The following CNBD1 variants were observed in gnomAD, a reference collection of about 807,000 sequenced individuals.
CNBD1 encodes cyclic nucleotide binding domain containing 1, also known as cyclic nucleotide-binding domain-containing protein 1.
CNBD1 carries 71 observed loss-of-function variants against 54.4 expected under a neutral mutation model. The observed-to-expected ratio is 1.30, with a 90% CI of 1.08 to 1.59. The LOEUF (loss-of-function observed/expected upper bound fraction) is 1.59. Ranked by LOEUF, CNBD1 falls within the 40% of genes most tolerant of loss-of-function variation. The probability of loss-of-function intolerance (pLI) is 0.00; values close to 1 mark genes in which losing one functional copy is unlikely to be tolerated. For missense variants in CNBD1, 659 were observed against 518.0 expected (o/e 1.27, Z -2.64); for synonymous variants, 182 against 170.7 (o/e 1.07, Z -0.51).
At chr8:87,270,855 GTTCC>G (rs1808348373) in intron 6 of CNBD1, among the ~76,000 whole-genome samples, 1 of 151,522 alleles carries the variant, frequency 6.6e-6, no homozygotes, top group African/African-American at 2.4e-5. Context: ...ATATTAGTTA[GTTCC>G]TTAAATTTTT....
At chr8:87,275,579 A>C (rs1430691996) in intron 6 of CNBD1, among the ~76,000 whole-genome samples, 1 of 151,726 alleles carries the variant, frequency 6.6e-6, no homozygotes, top group African/African-American at 2.4e-5. Flanking sequence ...ATCTCAAAAT[A>C]ATAAGAGCTA....
intron 5 of CNBD1, among the ~76,000 whole-genome samples, chr8:87,229,201 A>C (rs1455647101): frequency 6.6e-6 from 1 of 151,824 alleles, no homozygotes; most frequent in Non-Finnish European, 1.5e-5. Context: ...TGCAGAAATC[A>C]CCCGTCTTCT....
chr8:87,205,808 A>G (rs1299802055), intron 4 of CNBD1, among the ~76,000 whole-genome samples, 185 bp from the exon 5 acceptor site: 1 of 152,176 alleles, frequency 6.6e-6, no homozygotes, highest in African/African-American at 2.4e-5. Flanking sequence ...GCGCATCTTA[A>G]TGTCGGAAGG....
At chr8:87,346,216 T>C (rs1297546035) in intron 8 of CNBD1, among the ~76,000 whole-genome samples, 3 of 151,934 alleles carry the variant, frequency 2.0e-5, no homozygotes, top group African/African-American at 2.4e-5. Context: ...TAATTTTGTA[T>C]TTTTAGTAGA....
chr8:87,270,422 CA>C (rs1470907149), intron 6 of CNBD1, among the ~76,000 whole-genome samples: 1 of 151,978 alleles, frequency 6.6e-6, no homozygotes, highest in Non-Finnish European at 1.5e-5. Context: ...GATACCATCT[CA>C]CGCCAGTCAG....
chr8:86,978,250 A>G (rs1252341265), intron 4 of CNBD1, among the ~76,000 whole-genome samples: 1 of 152,220 alleles, frequency 6.6e-6, no homozygotes, highest in Non-Finnish European at 1.5e-5. Context: ...AATCTCGTTT[A>G]CAGAAAGCCA....
At chr8:87,273,321 T>A (rs1808406415) in intron 6 of CNBD1, among the ~76,000 whole-genome samples, 1 of 152,014 alleles carries the variant, frequency 6.6e-6, no homozygotes, top group African/African-American at 2.4e-5. Flanking sequence ...ACTGTTGGAA[T>A]TTAGTTAATA....
At chr8:86,928,705 G>A (rs993453237) in intron 3 of CNBD1, among the ~76,000 whole-genome samples, 1 of 152,202 alleles carries the variant, frequency 6.6e-6, no homozygotes, top group African/African-American at 2.4e-5. Flanking sequence ...CCGGGATAGT[G>A]CCCTATTTTT....
chr8:87,355,868 G>T (rs949973256), intron 10 of CNBD1, among the ~76,000 whole-genome samples: 1 of 152,132 alleles, frequency 6.6e-6, no homozygotes, highest in Non-Finnish European at 1.5e-5. Flanking sequence ...CTAATGGGAG[G>T]TTTTTGGGTC....
At chr8:87,249,343 G>A (rs1463381269) in intron 6 of CNBD1, among the ~76,000 whole-genome samples, 5 of 152,090 alleles carry the variant, frequency 3.3e-5, no homozygotes, top group Non-Finnish European at 7.4e-5. Context: ...CATAGATGAA[G>A]CTTTTCCTGC....
At chr8:87,293,468 A>G (rs185993982) in intron 8 of CNBD1, among the ~76,000 whole-genome samples, 2 of 152,184 alleles carry the variant, frequency 1.3e-5, no homozygotes, top group Non-Finnish European at 2.9e-5. Flanking sequence ...CTCTTGAACC[A>G]GGAGGCTGAG....
chr8:87,036,623 T>C (rs1011499530), intron 4 of CNBD1, among the ~76,000 whole-genome samples: 6 of 141,686 alleles, frequency 4.2e-5, no homozygotes, highest in Non-Finnish European at 6.1e-5. Flanking sequence ...AAAAAAAGAT[T>C]GGTCACAGGT....
chr8:87,212,688 C>T (rs559705450), intron 5 of CNBD1, among the ~76,000 whole-genome samples: 1 of 152,146 alleles, frequency 6.6e-6, no homozygotes, highest in African/African-American at 2.4e-5. Context: ...TAATTTACAA[C>T]ATACACAAAA....
intron 2 of CNBD1, among the ~76,000 whole-genome samples, chr8:87,394,462 C>T (rs936858603): frequency 1.3e-5 from 2 of 151,718 alleles, no homozygotes; most frequent in South Asian, 2.1e-4. Flanking sequence ...TGCATTCTCC[C>T]CTTATTCTTT....
chr8:87,387,790 C>T (rs550928802), downstream of CNBD1, among the ~76,000 whole-genome samples: 1 of 152,210 alleles, frequency 6.6e-6, no homozygotes, highest in African/African-American at 2.4e-5. Flanking sequence ...CATCCCAAAT[C>T]AGCAGAATAT....
chr8:87,389,870 A>G (rs1026970981), intron 2 of CNBD1, among the ~76,000 whole-genome samples: 13 of 152,176 alleles, frequency 8.5e-5, no homozygotes, highest in African/African-American at 3.1e-4. Context: ...ACAGTAACCA[A>G]AACAGCATGG....
At chr8:87,036,808 T>C (rs1245914959) in intron 4 of CNBD1, among the ~76,000 whole-genome samples, 1 of 152,126 alleles carries the variant, frequency 6.6e-6, no homozygotes, top group Admixed American at 6.6e-5. Flanking sequence ...CATATCATTT[T>C]TTTCCCTAGA....
chr8:87,062,060 G>A lies in CNBD1; in HGVS notation c.431+122306G>A, dbSNP rs58752826. Among the ~76,000 whole-genome samples the A allele has an allele frequency of 9.2e-3, 1,397 of 152,336 alleles. 18 individuals are homozygous for A. The highest frequency in any genetic ancestry group is 0.031 in the African/African-American group (1,285 of 41,580). On this transcript the variant is annotated intron_variant, in intron 4 of 10. Transcript: ENST00000518476. ...CCTGTGACACCAGTGAATGAAAAGT[G>A]AACTGAGGTTGTTGATGGTCAGCAA...
chr8:86,962,911 C>T (rs1807968716), intron 4 of CNBD1, among the ~76,000 whole-genome samples: 1 of 152,136 alleles, frequency 6.6e-6, no homozygotes, highest in South Asian at 2.1e-4. Context: ...TGCTTTGACC[C>T]TGGAGTCCTG....
Sources: allele counts gnomAD v4.1 joint callset (sites outside exome capture counted in the v4.1 genomes callset), GRCh38; gene constraint gnomAD v4.1.1; transcripts MANE v1.5; gene names NCBI Gene and HGNC (gene_info 2026-07-23, HGNC 2026-07-21).